Variants in PRELID2 observed in about 807,000 individuals in gnomAD.
PRELID2 encodes the protein PRELI domain containing 2, also known as PRELI domain-containing protein 2.
A neutral mutation model predicts 28.4 loss-of-function variants in PRELID2; 25 were observed. That is an observed-to-expected ratio of 0.88 (90% CI 0.64 to 1.23). The LOEUF (loss-of-function observed/expected upper bound fraction) is 1.23, where lower values mean the gene tolerates loss of function less well. Ranked by LOEUF, PRELID2 falls within the 50% of genes most tolerant of loss-of-function variation. PRELID2 has a pLI of 0.00. For synonymous variants in PRELID2, 76 were observed against 71.6 expected, an observed-to-expected ratio of 1.06 and a Z score of -0.31; for missense variants, 201 against 214.4, an observed-to-expected ratio of 0.94 and a Z score of 0.39.
At chr5:145,483,731 C>A (rs921606871) in intron 1 of PRELID2, among the ~76,000 whole-genome samples, 2 of 152,208 alleles carry the variant, frequency 1.3e-5, no homozygotes, top group Non-Finnish European at 1.5e-5. Context: ...GAGCCAGGAA[C>A]TAAATCACAA....
chr5:145,540,237 A>G (rs1198845655), intron 1 of PRELID2, among the ~76,000 whole-genome samples: 1 of 151,968 alleles, frequency 6.6e-6, no homozygotes, highest in Non-Finnish European at 1.5e-5. Flanking sequence ...GAATTTACTT[A>G]TATGTTCCTC....
At chr5:145,485,457 A>G (rs1397960046) in intron 1 of PRELID2, among the ~76,000 whole-genome samples, 1 of 152,222 alleles carries the variant, frequency 6.6e-6, no homozygotes, top group African/African-American at 2.4e-5. Context: ...AATCTTACCT[A>G]GAGCACATTC....
chr5:145,459,342 A>G, the PRELID2 span, among the ~76,000 whole-genome samples: 1 of 152,184 alleles, frequency 6.6e-6, no homozygotes, highest in African/African-American at 2.4e-5. Flanking sequence ...CTCTTGAGAT[A>G]CTAGAATTTC....
At chr5:145,478,522 G>T (rs967989054) in intron 1 of PRELID2, among the ~76,000 whole-genome samples, 1 of 152,034 alleles carries the variant, frequency 6.6e-6, no homozygotes, top group Admixed American at 6.6e-5. Context: ...TTACTCTCCA[G>T]CCTGGGCAAC....
the PRELID2 span, among the ~76,000 whole-genome samples, chr5:145,253,782 C>G: frequency 6.6e-6 from 1 of 151,410 alleles, no homozygotes; most frequent in Non-Finnish European, 1.5e-5. Flanking sequence ...GAAACATAAG[C>G]CAAGCCAACT....
At chr5:145,317,037 T>C in the PRELID2 span, among the ~76,000 whole-genome samples, 1 of 152,198 alleles carries the variant, frequency 6.6e-6, no homozygotes, top group South Asian at 2.1e-4. Flanking sequence ...TCAAGAGTGA[T>C]AGAAGAAAAT....
intron 1 of PRELID2, among the ~76,000 whole-genome samples, chr5:145,828,822 T>C (rs997062027): frequency 1.4e-5 from 2 of 145,496 alleles, no homozygotes; most frequent in African/African-American, 5.1e-5. Flanking sequence ...ACTTAGATAG[T>C]GAAAAAAATC....
intron 4 of PRELID2, among the ~76,000 whole-genome samples, chr5:145,814,211 A>G (rs1448951674): frequency 6.6e-6 from 1 of 152,232 alleles, no homozygotes; most frequent in Non-Finnish European, 1.5e-5. Context: ...CATTTTATAT[A>G]TCACAGATGA....
chr5:145,811,134 C>T (rs1219094895), intron 4 of PRELID2, among the ~76,000 whole-genome samples: 1 of 148,212 alleles, frequency 6.7e-6, no homozygotes, highest in Non-Finnish European at 1.5e-5. Context: ...GCCAGGGAAC[C>T]CCCCTTTATA....
chr5:145,337,698 T>G, the PRELID2 span, among the ~76,000 whole-genome samples: 32 of 26,476 alleles, frequency 1.2e-3, no homozygotes, highest in African/African-American at 6.3e-3. Flanking sequence ...TATATATATA[T>G]ATATATATAT....
intron 5 of PRELID2, among the ~76,000 whole-genome samples, chr5:145,792,738 T>A (rs978779962): frequency 1.3e-5 from 2 of 152,136 alleles, no homozygotes; most frequent in Non-Finnish European, 2.9e-5. Context: ...AAAAAAAACA[T>A]ATAACCATAA....
chr5:145,794,232 C>T (rs1752587145), intron 5 of PRELID2, among the ~76,000 whole-genome samples: 1 of 152,044 alleles, frequency 6.6e-6, no homozygotes, highest in Admixed American at 6.6e-5. Flanking sequence ...GAAGGAATAC[C>T]ACTTGGTTGC....
chr5:145,643,839 A>G (rs1754150595), intron 1 of PRELID2, among the ~76,000 whole-genome samples: 1 of 152,222 alleles, frequency 6.6e-6, no homozygotes, highest in South Asian at 2.1e-4. Flanking sequence ...ATGTTGGACC[A>G]GCCTTGCATC....
At chr5:145,422,058 A>T in the PRELID2 span, among the ~76,000 whole-genome samples, 28 of 140,740 alleles carry the variant, frequency 2.0e-4, no homozygotes, top group African/African-American at 7.2e-4. Flanking sequence ...TGAGATTCTT[A>T]ATCCTGAGTT....
chr5:145,254,771 A>G, the PRELID2 span, among the ~76,000 whole-genome samples: 1 of 152,070 alleles, frequency 6.6e-6, no homozygotes, highest in Non-Finnish European at 1.5e-5. Context: ...ATAATTAAGA[A>G]CTAATCATCT....
At chr5:145,584,625 G>A (rs1371514686) in intron 1 of PRELID2, among the ~76,000 whole-genome samples, 2 of 149,152 alleles carry the variant, frequency 1.3e-5, no homozygotes, top group Non-Finnish European at 2.9e-5. Flanking sequence ...GTGGGCAAAG[G>A]ACATGAACAT....
intron 5 of PRELID2, among the ~76,000 whole-genome samples, chr5:145,784,233 T>TAAAAA (rs11299722): frequency 7.3e-6 from 1 of 136,266 alleles, no homozygotes; most frequent in African/African-American, 2.7e-5. Flanking sequence ...GTGGTGAGCT[T>TAAAAA]AAAAAAAAAA....
At chr5:145,552,270 C>G (rs1225456458) in intron 1 of PRELID2, among the ~76,000 whole-genome samples, 2 of 152,106 alleles carry the variant, frequency 1.3e-5, no homozygotes, top group African/African-American at 4.8e-5. Context: ...TCCATGTGCT[C>G]TTTGCTTGGT....
intron 1 of PRELID2, among the ~76,000 whole-genome samples, chr5:145,638,010 C>T (rs146753904): frequency 0.02 from 3,067 of 152,192 alleles, 114 homozygotes; most frequent in African/African-American, 0.07. Context: ...GGGGTTTCAC[C>T]ATGTTGGCCA....
Sources: allele counts gnomAD v4.1 joint callset (sites outside exome capture counted in the v4.1 genomes callset), GRCh38; gene constraint gnomAD v4.1.1; transcripts MANE v1.5; gene names NCBI Gene and HGNC (gene_info 2026-07-23, HGNC 2026-07-21).